PRPF6: variants seen among roughly 807,000 people sequenced by gnomAD.
The protein encoded by PRPF6 is pre-mRNA-processing factor 6.
Under a neutral mutation model 118.3 loss-of-function variants are expected in PRPF6, and 42 were observed. That is an observed-to-expected ratio of 0.35 (90% CI 0.28 to 0.46). The LOEUF (loss-of-function observed/expected upper bound fraction) is 0.46, where lower values mean the gene tolerates loss of function less well. Among genes scored for constraint, PRPF6 ranks in the 20% least tolerant of loss-of-function variants. The pLI is 1.00. For synonymous variants in PRPF6, 481 were observed against 485.1 expected, an observed-to-expected ratio of 0.99 and a Z score of 0.11; for missense variants, 662 against 1,255.7, an observed-to-expected ratio of 0.53 and a Z score of 7.15.
At chr20:63,988,853 A>G (rs1168079689) in intron 3 of PRPF6, among the ~76,000 whole-genome samples, 2 of 151,816 alleles carry the variant, frequency 1.3e-5, no homozygotes, top group Non-Finnish European at 2.9e-5. Flanking sequence ...TGGGCAACAG[A>G]GTGAGACTCC....
At chr20:63,981,918 T>C (rs2059070841) in intron 1 of PRPF6, among the ~76,000 whole-genome samples, 1 of 151,522 alleles carries the variant, frequency 6.6e-6, no homozygotes, top group African/African-American at 2.4e-5. Context: ...TAATGGAGAG[T>C]AGCATTGGAG....
At chr20:64,032,244 A>G (rs1601536545) in intron 20 of PRPF6, among the ~76,000 whole-genome samples, 200 bp downstream of exon 20, 1 of 152,222 alleles carries the variant, frequency 6.6e-6, no homozygotes, top group African/African-American at 2.4e-5. Context: ...TTTTCTGGTT[A>G]TAGCCTCACA....
chr20:64,006,291 C>T (rs374245727), intron 9 of PRPF6, among the ~76,000 whole-genome samples: 7 of 151,102 alleles, frequency 4.6e-5, no homozygotes, highest in African/African-American at 1.7e-4. Flanking sequence ...GCACATACTC[C>T]CTTTGGAGTA....
At position 64,028,422 on chromosome 20, in the gene PRPF6, C is replaced by G; in HGVS notation, c.2340-56C>G. On this transcript the variant is annotated intron_variant, in intron 17 of 20. Transcript: ENST00000266079. This position sits in a 1 kb window ranked among gnomAD's most constrained non-coding sequence, Gnocchi z 6.5. Reference sequence around the variant, plus strand: ...TCAGACAAGGCTTCCCAGAAGCTACCAGAATATGTGCTGTTGGTAGACGGC... The same window carrying G: ...TCAGACAAGGCTTCCCAGAAGCTACGAGAATATGTGCTGTTGGTAGACGGC... The G allele has an allele frequency of 6.3e-7, 1 of 1,581,868 alleles. No homozygotes were observed.
At chr20:64,017,682 C>T (rs534894796) in intron 12 of PRPF6, among the ~76,000 whole-genome samples, 4 of 152,380 alleles carry the variant, frequency 2.6e-5, no homozygotes, top group South Asian at 2.1e-4. Flanking sequence ...CACGCCTGGC[C>T]GCAGATTTGC....
At chr20:63,993,820 G>A (rs6062603) in intron 4 of PRPF6, among the ~76,000 whole-genome samples, 1 of 151,668 alleles carries the variant, frequency 6.6e-6, no homozygotes, top group Non-Finnish European at 1.5e-5. Context: ...CGTGGTCTCA[G>A]CTCACTGCAA....
At chr20:64,021,693 TGCACGTATG>T (rs1431506823) in intron 12 of PRPF6, among the ~76,000 whole-genome samples, 2 of 150,292 alleles carry the variant, frequency 1.3e-5, no homozygotes, top group Non-Finnish European at 3.0e-5. Context: ...TGCGTGTGTG[TGCACGTATG>T]CATATGCCTC....
intron 3 of PRPF6, among the ~76,000 whole-genome samples, chr20:63,992,075 T>C (rs1393972026): frequency 1.3e-5 from 2 of 152,124 alleles, no homozygotes; most frequent in South Asian, 2.1e-4. Flanking sequence ...GTTACTGTTT[T>C]TCCTTGTAGG....
At chr20:63,998,976 G>A in intron 6 of PRPF6, 69 bp from the exon 7 acceptor site, 2 of 1,125,600 alleles carry the variant, frequency 1.8e-6, no homozygotes, top group Non-Finnish European at 1.3e-6. Context: ...GGGGCACCAG[G>A]GACCCTCTGA....
Position 64,028,444 on chromosome 20 carries a change from C to T in PRPF6, c.2340-34C>T, listed in dbSNP as rs775920385. The T allele has an allele frequency of 2.7e-5, 44 of 1,608,350 alleles. No homozygotes were observed. Among genetic ancestry groups the T allele is most frequent in the East Asian group, 4.5e-5 (2 of 44,856 alleles). On this transcript the variant is annotated intron_variant, in intron 17 of 20. Coordinates refer to ENST00000266079, the MANE Select transcript of PRPF6 (RefSeq NM_012469.4). This position sits in a 1 kb window ranked among gnomAD's most constrained non-coding sequence, Gnocchi z 6.5. ...TACCAGAATATGTGCTGTTGGTAGA[C>T]GGCTGTGGGACCTCCGGGGGCCTGT...
intron 20 of PRPF6, 42 bp downstream of exon 20, chr20:64,032,086 CTG>C (rs1601536371): frequency 6.2e-7 from 1 of 1,612,684 alleles, no homozygotes; most frequent in Non-Finnish European, 8.5e-7. Context: ...CCTTCTGGGA[CTG>C]TGGCGGGGAG....
chr20:63,988,544 A>G (rs762924763), intron 3 of PRPF6, among the ~76,000 whole-genome samples: 1 of 152,048 alleles, frequency 6.6e-6, no homozygotes, highest in African/African-American at 2.4e-5. Context: ...TACAGATTCA[A>G]TGCAATCCGT....
In PRPF6 at chr20:64,024,622, A is replaced by G. The variant is rs2059279924; in HGVS notation, c.1837A>G (p.Met613Val). 6.2e-7 allele frequency: 1 copy of G among 1,613,738 alleles called. No homozygotes were observed. The change falls in exon 14 of 21, where the codon ATG (methionine) becomes GTG (valine). Residue 613 changes from methionine (M) to valine (V), a missense_variant. Physicochemically the swap from Met to Val is conservative, Grantham distance 21. Around this residue, in one of 10 missense-constraint regions of PRPF6, gnomAD observed 15 missense variants for 66.5 expected, o/e 0.23. Transcript: ENST00000266079. ...CCCCAAAGCAGAGGTGCTGTGGCTC[A>G]TGGGCGCCAAGTCCAAGTGGCTGGC... is the stretch of plus-strand genomic sequence containing the variant. ...HCPKAEVLWL[M>V]GAKSKWLAGD... is the part of the protein sequence containing the mutation.
chr20:63,983,083 C>T lies in PRPF6; in HGVS notation c.108C>T (p.Pro36=), dbSNP rs1415675321. Residue 36 remains proline (P), a synonymous_variant, in exon 2 of 21, where the codon CCC becomes CCT. Coordinates refer to ENST00000266079, the MANE Select transcript of PRPF6 (RefSeq NM_012469.4). Reference sequence around the variant, plus strand: ...TCACCACGCGGTCAGACATTGGGCCCGCCCGTGATGCAAATGACCCTGTGG... The same window carrying T: ...TCACCACGCGGTCAGACATTGGGCCTGCCCGTGATGCAAATGACCCTGTGG... ...TGFTTRSDIG[P]ARDANDPVDD... The T allele has an allele frequency of 9.3e-6, 15 of 1,614,044 alleles. No homozygotes were observed. Among genetic ancestry groups the T allele is most frequent in the Admixed American group, 1.7e-5 (1 of 59,982 alleles).
Position 63,983,406 on chromosome 20 carries a change from C to T in PRPF6, c.240+191C>T, listed in dbSNP as rs117661435. 6.3e-4 allele frequency among the ~76,000 whole-genome samples: 95 copies of T among 151,982 alleles called. 1 individual carries two copies. The highest frequency in any genetic ancestry group is 7.8e-4 in the Non-Finnish European group (53 of 68,002). The stretch of plus-strand genomic sequence containing the variant: ...CACGGAGAAATGTGCACTTTTTGTC[C>T]CTCAGAAGAGATGTTCTTGCAGGTG... On this transcript the variant is annotated intron_variant, in intron 2 of 20. Transcript: ENST00000266079.
intron 9 of PRPF6, among the ~76,000 whole-genome samples, chr20:64,009,993 C>T (rs1165614290): frequency 6.6e-6 from 1 of 152,190 alleles, no homozygotes; most frequent in Non-Finnish European, 1.5e-5. Flanking sequence ...CAGTCACTTC[C>T]TTGCTTTCTG....
chr20:64,032,091 G>A (rs1449864309), intron 20 of PRPF6, 47 bp downstream of exon 20: 11 of 1,612,304 alleles, frequency 6.8e-6, no homozygotes, highest in Non-Finnish European at 9.3e-6. Flanking sequence ...TGGGACTGTG[G>A]CGGGGAGTTC....
chr20:63,985,098 T>A, intron 3 of PRPF6, 73 bp downstream of exon 3: 1 of 1,205,456 alleles, frequency 8.3e-7, no homozygotes, highest in Non-Finnish European at 1.2e-6. Context: ...GCGCAGTGGC[T>A]CACGTGTGTA....
intron 9 of PRPF6, among the ~76,000 whole-genome samples, chr20:64,008,402 A>T (rs190827694): frequency 1.3e-5 from 2 of 151,922 alleles, no homozygotes; most frequent in Admixed American, 6.6e-5. Context: ...TTGGAGACTC[A>T]TAAGAGTAAG....
Sources: gnomAD v4.1 joint callset for allele counts (sites outside exome capture counted in the v4.1 genomes callset) on GRCh38, gnomAD v4.1.1 for gene constraint, gnomAD v4.1.1 regional missense constraint, Gnocchi (gnomAD v3.1) non-coding constraint, MANE v1.5 for transcripts, NCBI Gene and HGNC (gene_info 2026-07-23, HGNC 2026-07-21) for gene names.